The following SH3GL2 variants were observed in gnomAD, a reference collection of about 807,000 sequenced individuals.
SH3GL2 encodes the protein endophilin-A1.
SH3GL2 carries 24 observed loss-of-function variants against 46.0 expected under a neutral mutation model. The observed-to-expected ratio is 0.52, with a 90% CI of 0.38 to 0.73. The LOEUF is 0.73. Among genes scored for constraint, SH3GL2 ranks in the 30% least tolerant of loss-of-function variants. The pLI is 0.00. For missense variants in SH3GL2, 413 were observed against 424.2 expected, an observed-to-expected ratio of 0.97 and a Z score of 0.23; for synonymous variants, 196 against 147.1, an observed-to-expected ratio of 1.33 and a Z score of -2.40.
intron 1 of SH3GL2, among the ~76,000 whole-genome samples, chr9:17,701,399 G>C (rs1821339806): frequency 6.6e-6 from 1 of 152,118 alleles, no homozygotes; most frequent in South Asian, 2.1e-4. Flanking sequence ...GGGGAGAGGT[G>C]GTAGCAGGTA....
chr9:17,630,147 G>T (rs926020125), intron 1 of SH3GL2, among the ~76,000 whole-genome samples: 1 of 152,132 alleles, frequency 6.6e-6, no homozygotes, highest in Non-Finnish European at 1.5e-5. Flanking sequence ...CATATAATTA[G>T]AATTCAATGA....
At chr9:17,790,369 C>G (rs1285750485) in intron 6 of SH3GL2, 1 of 927,710 alleles carries the variant, frequency 1.1e-6, no homozygotes, top group Non-Finnish European at 1.3e-6. Context: ...AAGTTGTCAC[C>G]TAAAATTAAC....
chr9:17,680,991 C>G (rs10738483), intron 1 of SH3GL2, among the ~76,000 whole-genome samples: 81,717 of 151,876 alleles, frequency 0.54, 23,180 homozygotes, highest in African/African-American at 0.71. Flanking sequence ...TGTGGTCTGA[C>G]AGACAGTTTG....
chr9:17,703,388 A>G (rs16935912), intron 1 of SH3GL2, among the ~76,000 whole-genome samples: 35,532 of 151,864 alleles, frequency 0.23, 4,918 homozygotes, highest in Admixed American at 0.35. Context: ...TGTGTTTAGA[A>G]TAACATGGCA....
intron 1 of SH3GL2, among the ~76,000 whole-genome samples, chr9:17,674,893 C>G (rs1012778125): frequency 1.3e-5 from 2 of 152,088 alleles, no homozygotes; most frequent in Admixed American, 1.3e-4. Context: ...AGTGGCAGTT[C>G]ATTAACATTG....
At chr9:17,769,117 T>C (rs1228534845) in intron 3 of SH3GL2, among the ~76,000 whole-genome samples, 2 of 152,232 alleles carry the variant, frequency 1.3e-5, no homozygotes, top group African/African-American at 4.8e-5. Flanking sequence ...GCAGCTTTCC[T>C]GACCATCTTG....
intron 1 of SH3GL2, among the ~76,000 whole-genome samples, chr9:17,647,040 G>A (rs570913812): frequency 3.9e-5 from 6 of 152,264 alleles, no homozygotes; most frequent in South Asian, 4.1e-4. Flanking sequence ...GCCCCTGACC[G>A]GGGCTGTTGC....
chr9:17,793,922 C>G lies in SH3GL2; in HGVS notation c.859+425C>G, dbSNP rs1350528849. Among the ~76,000 whole-genome samples, 6 of 152,324 alleles carry G rather than the reference C, an allele frequency of 3.9e-5. No individual in the cohort carries two copies. The South Asian group carries it at 6.2e-4, about 16-fold the overall frequency. Reference sequence around the variant, plus strand: ...TGTCCCCACATGCATTCGCATATAACCCACAGACAGCAAGCGGCTCCAGAA... The same window carrying G: ...TGTCCCCACATGCATTCGCATATAAGCCACAGACAGCAAGCGGCTCCAGAA... On this transcript the variant is annotated intron_variant, in intron 8 of 8. Transcript: ENST00000380607.
At chr9:17,787,635 T>G in intron 5 of SH3GL2, 122 bp downstream of exon 5, 1 of 723,828 alleles carries the variant, frequency 1.4e-6, no homozygotes, top group East Asian at 2.7e-5. Context: ...GCACGTTAAT[T>G]ACAAAACAAC....
At chr9:17,625,916 A>G (rs1388245550) in intron 1 of SH3GL2, among the ~76,000 whole-genome samples, 1 of 152,222 alleles carries the variant, frequency 6.6e-6, no homozygotes, top group Non-Finnish European at 1.5e-5. Flanking sequence ...GCTTACCTCA[A>G]GGCAATTAGA....
At chr9:17,720,582 T>G (rs1443734264) in intron 1 of SH3GL2, among the ~76,000 whole-genome samples, 1 of 152,112 alleles carries the variant, frequency 6.6e-6, no homozygotes, top group Non-Finnish European at 1.5e-5. Flanking sequence ...CAAGAGTTGG[T>G]TACAGTCTGT....
At chr9:17,616,376 G>C (rs1818997915) in intron 1 of SH3GL2, among the ~76,000 whole-genome samples, 1 of 152,134 alleles carries the variant, frequency 6.6e-6, no homozygotes, top group African/African-American at 2.4e-5. Flanking sequence ...TATAACTTTA[G>C]TGCTAGCTAA....
At chr9:17,764,626 G>T (rs988287175) in intron 3 of SH3GL2, among the ~76,000 whole-genome samples, 2 of 151,852 alleles carry the variant, frequency 1.3e-5, no homozygotes, top group Non-Finnish European at 2.9e-5. Flanking sequence ...AGGATTTGAT[G>T]CTTCGAGGGT....
At chr9:17,662,176 G>T (rs983660744) in intron 1 of SH3GL2, among the ~76,000 whole-genome samples, 9 of 152,176 alleles carry the variant, frequency 5.9e-5, no homozygotes, top group African/African-American at 9.7e-5. Context: ...GTCTTATTCA[G>T]TTCTTCTGTA....
intron 6 of SH3GL2, among the ~76,000 whole-genome samples, chr9:17,790,758 G>A (rs569329886): frequency 6.6e-6 from 1 of 152,322 alleles, no homozygotes; most frequent in African/African-American, 2.4e-5. Flanking sequence ...GGCTCAGAGA[G>A]CACAGAAGAT....
chr9:17,778,878 T>C (rs1236402627), intron 3 of SH3GL2, among the ~76,000 whole-genome samples: 1 of 152,138 alleles, frequency 6.6e-6, no homozygotes, highest in Non-Finnish European at 1.5e-5. Context: ...GGAGTTGTAT[T>C]CATTAATATT....
At chr9:17,712,068 T>A (rs1821639917) in intron 1 of SH3GL2, among the ~76,000 whole-genome samples, 1 of 151,856 alleles carries the variant, frequency 6.6e-6, no homozygotes, top group Non-Finnish European at 1.5e-5. Context: ...TGACCAATGA[T>A]GTTGAGCGTC....
chr9:17,699,006 C>G (rs1588252288), intron 1 of SH3GL2, among the ~76,000 whole-genome samples: 1 of 151,608 alleles, frequency 6.6e-6, no homozygotes, highest in African/African-American at 2.4e-5. Flanking sequence ...ATACAAAAAA[C>G]TAGCCAGGCA....
chr9:17,664,544 C>T (rs1820297076), intron 1 of SH3GL2, among the ~76,000 whole-genome samples: 1 of 151,984 alleles, frequency 6.6e-6, no homozygotes, highest in Non-Finnish European at 1.5e-5. Flanking sequence ...GCAAGTTTTT[C>T]ATTTAAGTGC....
Sources: gnomAD v4.1 joint callset for allele counts (sites outside exome capture counted in the v4.1 genomes callset) on GRCh38, gnomAD v4.1.1 for gene constraint, MANE v1.5 for transcripts, NCBI Gene and HGNC (gene_info 2026-07-23, HGNC 2026-07-21) for gene names.